Variants in PCSK6 observed in about 807,000 individuals in gnomAD.
PCSK6 encodes the protein paired basic amino acid cleaving enzyme 4.
PCSK6 carries 85 observed loss-of-function variants against 123.3 expected under a neutral mutation model. The observed-to-expected ratio is 0.69, with a 90% CI of 0.58 to 0.83. The LOEUF is 0.83. PCSK6 is among the 40% of genes least tolerant of loss of function. The pLI is 0.00. For synonymous variants in PCSK6, 508 were observed against 516.0 expected (o/e 0.98, Z 0.21); for missense variants, 1,191 against 1,282.3 (o/e 0.93, Z 1.09).
chr15:101,386,606 C>T (rs1052635743), intron 9 of PCSK6, among the ~76,000 whole-genome samples: 6 of 152,208 alleles, frequency 3.9e-5, no homozygotes, highest in Admixed American at 3.9e-4. Flanking sequence ...TGGAACCACA[C>T]AGGATTTGTC....
intron 13 of PCSK6, among the ~76,000 whole-genome samples, chr15:101,350,624 C>T (rs1055762024): frequency 1.3e-5 from 2 of 152,208 alleles, no homozygotes; most frequent in Admixed American, 6.5e-5. Context: ...TCTGAGCCGG[C>T]CCTGGGAAGA....
chr15:101,371,981 A>G (rs74036010), intron 11 of PCSK6, among the ~76,000 whole-genome samples: 2,183 of 152,250 alleles, frequency 0.014, 40 homozygotes, highest in African/African-American at 0.048. Flanking sequence ...CAATCATTCA[A>G]GACTCCTTCC....
intron 13 of PCSK6, among the ~76,000 whole-genome samples, chr15:101,339,772 G>A (rs111482836): frequency 0.15 from 22,314 of 152,030 alleles, 2,228 homozygotes; most frequent in Non-Finnish European, 0.21. Context: ...TTAGCCAGGC[G>A]TGGTGGTGTG....
At chr15:101,359,523 C>T (rs2041148778) in intron 13 of PCSK6, among the ~76,000 whole-genome samples, 1 of 152,264 alleles carries the variant, frequency 6.6e-6, no homozygotes, top group Non-Finnish European at 1.5e-5. Context: ...GGGCACCTAT[C>T]ATACACCATG....
intron 6 of PCSK6, among the ~76,000 whole-genome samples, chr15:101,400,770 A>G (rs1054034426): frequency 1.3e-5 from 2 of 152,240 alleles, no homozygotes; most frequent in African/African-American, 4.8e-5. Flanking sequence ...CACATGGATT[A>G]TAAACATATA....
At chr15:101,393,482 T>A (rs2042297699) in intron 7 of PCSK6, 58 bp from the exon 8 acceptor site, 1 of 1,395,822 alleles carries the variant, frequency 7.2e-7, no homozygotes. Context: ...AGGGTGGGTC[T>A]CCCCCCGAAC....
chr15:101,410,971 G>GA (rs1180520025), intron 6 of PCSK6, among the ~76,000 whole-genome samples: 1 of 152,232 alleles, frequency 6.6e-6, no homozygotes, highest in Non-Finnish European at 1.5e-5. Context: ...GCACCACAGT[G>GA]AAAAGACTCA....
chr15:101,423,952 G>A (rs1324601915), intron 6 of PCSK6, among the ~76,000 whole-genome samples: 1 of 152,240 alleles, frequency 6.6e-6, no homozygotes, highest in East Asian at 1.9e-4. Flanking sequence ...AAGGGCCATG[G>A]TGGCTCATGC....
Position 101,398,476 on chromosome 15 carries a change from C to T in PCSK6, c.924G>A (p.Pro308=), listed in dbSNP as rs781354186. ...YIDIYSASWG[P]DDDGKTVDGP... is the part of the protein sequence containing the mutation. Reference sequence around the variant, plus strand: ...CGTCCACCGTCTTGCCGTCGTCGTCCGGCCCCCAGCTGGCACTGTAAATGT... The same window carrying T: ...CGTCCACCGTCTTGCCGTCGTCGTCTGGCCCCCAGCTGGCACTGTAAATGT... The change falls in exon 7 of 22, where the codon CCG becomes CCA. Residue 308 remains proline, a synonymous_variant. Coordinates refer to ENST00000611716, the MANE Select transcript of PCSK6 (RefSeq NM_002570.5). The surrounding 1 kb of genome is among the most constrained non-coding windows in gnomAD (Gnocchi z 4.6). 52 of 1,613,988 alleles carry T rather than the reference C, an allele frequency of 3.2e-5. No homozygotes were observed. Among genetic ancestry groups the T allele is most frequent in the South Asian group, 1.4e-4 (13 of 91,066 alleles).
At chr15:101,322,732 G>A (rs1352826907) in intron 17 of PCSK6, 125 bp from the exon 18 acceptor site, 11 of 651,784 alleles carry the variant, frequency 1.7e-5, no homozygotes, top group Admixed American at 4.8e-5. Context: ...GTCCACCTCC[G>A]GAATGGGTGG....
intron 6 of PCSK6, among the ~76,000 whole-genome samples, chr15:101,400,626 A>C (rs1433872003): frequency 1.3e-5 from 2 of 152,238 alleles, no homozygotes; most frequent in Non-Finnish European, 2.9e-5. Context: ...CAAACATTTT[A>C]CGTGAGTAGA....
chr15:101,304,393 G>A lies in PCSK6; in HGVS notation c.*865C>T, dbSNP rs1238072343. On this transcript the variant is annotated 3_prime_UTR_variant, in exon 22 of 22. Coordinates refer to ENST00000611716, the MANE Select transcript of PCSK6 (RefSeq NM_002570.5). ...GCAATTCCATAAAATGGGAAGTGATGGATGATTAACAATGCATGGCTGGCT... is the reference window on the plus strand; with the variant it reads ...GCAATTCCATAAAATGGGAAGTGATAGATGATTAACAATGCATGGCTGGCT... 1 of 152,282 alleles carries A rather than the reference G, an allele frequency of 6.6e-6. No individual in the cohort carries two copies. Among genetic ancestry groups the A allele is most frequent in the African/African-American group, 2.4e-5 (1 of 41,434 alleles). 9.4% of individuals were successfully genotyped at this position (152,282 alleles called of 1,614,324 possible).
chr15:101,376,937 G>A (rs901273490), intron 11 of PCSK6, among the ~76,000 whole-genome samples: 4 of 152,240 alleles, frequency 2.6e-5, no homozygotes, highest in African/African-American at 9.7e-5. Flanking sequence ...TATACACAGA[G>A]GTCAGATGCC....
chr15:101,389,626 A>T, intron 8 of PCSK6, 62 bp from the exon 9 acceptor site: 1 of 1,326,492 alleles, frequency 7.5e-7, no homozygotes. Context: ...CTCTGTGGAG[A>T]AGGCTGGGCT....
chr15:101,374,811 C>G (rs2041686126), intron 11 of PCSK6, among the ~76,000 whole-genome samples: 2 of 152,242 alleles, frequency 1.3e-5, no homozygotes. Context: ...TGGCAAGAGG[C>G]TTCTAGGTCA....
intron 2 of PCSK6, among the ~76,000 whole-genome samples, chr15:101,438,966 G>A (rs191805935): frequency 6.6e-6 from 1 of 152,350 alleles, no homozygotes; most frequent in East Asian, 1.9e-4. Context: ...GAAAAAGAGC[G>A]AAAGTCACCC....
chr15:101,361,593 G>T (rs540855528), intron 13 of PCSK6, among the ~76,000 whole-genome samples: 1 of 152,196 alleles, frequency 6.6e-6, no homozygotes, highest in Non-Finnish European at 1.5e-5. Context: ...GGAACAGAAC[G>T]GAGGTCAATG....
intron 1 of PCSK6, among the ~76,000 whole-genome samples, chr15:101,461,560 C>T (rs1465713422): frequency 6.6e-6 from 1 of 152,132 alleles, no homozygotes; most frequent in East Asian, 1.9e-4. Flanking sequence ...AACTCTAGGT[C>T]CACTTTACCC....
chr15:101,312,944 G>T, intron 20 of PCSK6: 1 of 733,774 alleles, frequency 1.4e-6, no homozygotes, highest in Non-Finnish European at 1.7e-6. Context: ...GGCAGAGGTT[G>T]CAGTGAGCTG....
Sources: allele counts gnomAD v4.1 joint callset (sites outside exome capture counted in the v4.1 genomes callset), GRCh38; gene constraint gnomAD v4.1.1; non-coding constraint Gnocchi (gnomAD v3.1); transcripts MANE v1.5; gene names NCBI Gene and HGNC (gene_info 2026-07-23, HGNC 2026-07-21).